IL7: variants seen among roughly 807,000 people sequenced by gnomAD.
The protein encoded by IL7 is interleukin 7, also known as interleukin-7.
In IL7, 3 loss-of-function variants were observed where a neutral mutation model predicts 21.6. The observed-to-expected ratio is 0.14, with a 90% CI of 0.06 to 0.36. The LOEUF (loss-of-function observed/expected upper bound fraction) is 0.36, where lower values mean the gene tolerates loss of function less well. Among genes scored for constraint, IL7 ranks in the 10% least tolerant of loss-of-function variants. The pLI is 1.00. For synonymous variants in IL7, 62 were observed against 68.1 expected, an observed-to-expected ratio of 0.91 and a Z score of 0.44; for missense variants, 175 against 200.2, an observed-to-expected ratio of 0.87 and a Z score of 0.76.
intron 3 of IL7, among the ~76,000 whole-genome samples, chr8:78,692,571 G>A (rs979448932): frequency 2.6e-5 from 4 of 151,932 alleles, no homozygotes; most frequent in African/African-American, 7.3e-5. Context: ...CCTTTTTTAG[G>A]AGGGGAGCAG....
chr8:78,776,074 T>C (rs1274596669), intron 2 of IL7, among the ~76,000 whole-genome samples: 1 of 152,018 alleles, frequency 6.6e-6, no homozygotes, highest in East Asian at 1.9e-4. Context: ...CTTTAATTTA[T>C]AAATTAGGCA....
At chr8:78,737,127 G>C (rs1335685165) in intron 4 of IL7, among the ~76,000 whole-genome samples, 1 of 152,074 alleles carries the variant, frequency 6.6e-6, no homozygotes, top group African/African-American at 2.4e-5. Flanking sequence ...TTTGGAACAT[G>C]ATGATCCATA....
At chr8:78,720,145 G>T (rs1563644474) in intron 5 of IL7, among the ~76,000 whole-genome samples, 2 of 151,756 alleles carry the variant, frequency 1.3e-5, no homozygotes, top group Non-Finnish European at 3.0e-5. Context: ...AATTAAAAAG[G>T]AATTTAGTGA....
chr8:78,747,068 C>CT (rs1812002840), intron 2 of IL7: 2 of 455,258 alleles, frequency 4.4e-6, no homozygotes, highest in Non-Finnish European at 8.8e-6. Context: ...CCTTTCTGTT[C>CT]TTTTTTCTTT....
chr8:78,686,382 T>C (rs1341759088), intron 3 of IL7: 16 of 1,083,260 alleles, frequency 1.5e-5, no homozygotes, highest in Non-Finnish European at 1.9e-5. Flanking sequence ...TTTAAAATGA[T>C]ATGGAATTAT....
intron 3 of IL7, among the ~76,000 whole-genome samples, chr8:78,708,251 C>A (rs1408950945): frequency 6.6e-6 from 1 of 152,134 alleles, no homozygotes; most frequent in Non-Finnish European, 1.5e-5. Context: ...TATTTAAAGT[C>A]TGGTGTATGT....
intron 2 of IL7, among the ~76,000 whole-genome samples, chr8:78,774,301 T>C (rs1813060325): frequency 6.6e-6 from 1 of 152,098 alleles, no homozygotes; most frequent in Non-Finnish European, 1.5e-5. Flanking sequence ...GGAAAAAAAG[T>C]ACCTGGAATT....
At chr8:78,770,804 C>G (rs536915275) in intron 2 of IL7, among the ~76,000 whole-genome samples, 1 of 152,140 alleles carries the variant, frequency 6.6e-6, no homozygotes, top group South Asian at 2.1e-4. Flanking sequence ...ACAGTTTTGT[C>G]TATCCAGTGA....
At chr8:78,773,615 ACAGATTTTCCTTCT>A in intron 2 of IL7, among the ~76,000 whole-genome samples, 1 of 152,130 alleles carries the variant, frequency 6.6e-6, no homozygotes, top group Admixed American at 6.6e-5. Flanking sequence ...AATGTAAAGA[ACAGATTTTCCTTCT>A]CCAATGCCCA....
chr8:78,797,400 T>G (rs910091211), intron 2 of IL7, among the ~76,000 whole-genome samples: 2 of 151,980 alleles, frequency 1.3e-5, no homozygotes, highest in African/African-American at 4.8e-5. Flanking sequence ...AACTATGCAC[T>G]TATGTAATGT....
chr8:78,793,699 G>A (rs1451085278), intron 2 of IL7, among the ~76,000 whole-genome samples: 2 of 152,032 alleles, frequency 1.3e-5, no homozygotes, highest in Non-Finnish European at 2.9e-5. Context: ...AATGAAGTTT[G>A]CCACATAGAT....
chr8:78,697,574 A>T (rs1416648986), intron 3 of IL7: 5 of 1,165,702 alleles, frequency 4.3e-6, no homozygotes, highest in Non-Finnish European at 6.3e-6. Context: ...AAATAAAGAT[A>T]GTGGTCTATT....
chr8:78,776,021 T>C (rs1208217972), intron 2 of IL7, among the ~76,000 whole-genome samples: 2 of 152,068 alleles, frequency 1.3e-5, no homozygotes, highest in African/African-American at 4.8e-5. Context: ...AGACCCTATA[T>C]ATGCGGTACT....
chr8:78,697,721 C>G (rs548998859), intron 3 of IL7, among the ~76,000 whole-genome samples: 1 of 150,832 alleles, frequency 6.6e-6, no homozygotes, highest in East Asian at 1.9e-4. Context: ...CTCTGTTGCC[C>G]AGGTTTGAGT....
intron 2 of IL7, among the ~76,000 whole-genome samples, chr8:78,745,969 G>C (rs1811964534): frequency 6.6e-6 from 1 of 152,022 alleles, no homozygotes; most frequent in Admixed American, 6.6e-5. Flanking sequence ...GTCTTCTCCT[G>C]CTTTTCTCTT....
intron 4 of IL7, among the ~76,000 whole-genome samples, chr8:78,681,654 A>C (rs949858642): frequency 4.6e-5 from 7 of 152,196 alleles, no homozygotes; most frequent in African/African-American, 1.7e-4. Flanking sequence ...AAAATTAAAA[A>C]TTAAAGGTAG....
intron 5 of IL7, among the ~76,000 whole-genome samples, chr8:78,735,276 C>CTTTTTTTTTTTTTTTTTTTTTT: frequency 6.5e-4 from 51 of 78,404 alleles, no homozygotes; most frequent in African/African-American, 1.4e-3. Context: ...CTTTTCTTTT[C>CTTTTTTTTTTTTTTTTTTTTTT]TTTTTTTTTT....
downstream of IL7, among the ~76,000 whole-genome samples, chr8:78,730,308 G>C (rs1422754287): frequency 2.0e-5 from 3 of 151,604 alleles, no homozygotes; most frequent in Non-Finnish European, 4.4e-5. Context: ...TAACTTTATG[G>C]GTCTATGACT....
intron 3 of IL7, among the ~76,000 whole-genome samples, chr8:78,710,701 A>G (rs1050237012): frequency 2.6e-5 from 4 of 152,112 alleles, no homozygotes; most frequent in African/African-American, 9.6e-5. Context: ...AATGTTTAAA[A>G]TTCCAATAGA....
Sources: gnomAD v4.1 joint callset for allele counts (sites outside exome capture counted in the v4.1 genomes callset) on GRCh38, gnomAD v4.1.1 for gene constraint, MANE v1.5 for transcripts, NCBI Gene and HGNC (gene_info 2026-07-23, HGNC 2026-07-21) for gene names.